Variants in IRAG2 observed in about 807,000 individuals in gnomAD.
IRAG2 encodes lymphoid restricted membrane protein.
Under a neutral mutation model 69.9 loss-of-function variants are expected in IRAG2, and 45 were observed. The ratio of observed to expected loss-of-function variants is 0.64; its 90% CI spans 0.51 to 0.83. The LOEUF is 0.83. Among genes scored for constraint, IRAG2 ranks in the 40% least tolerant of loss-of-function variants. The pLI is 0.00. For missense variants in IRAG2, 520 were observed against 587.0 expected (o/e 0.89, Z 1.18); for synonymous variants, 193 against 202.4 (o/e 0.95, Z 0.40).
In IRAG2 at chr12:25,024,834, T is replaced by G. The variant is rs905045004; in HGVS notation, c.1383+913T>G. ...CTACTAATGTAAGATATTTTTCTCC[T>G]CTTATTTAGATGAGTGACACGTATC... On this transcript the variant is annotated intron_variant, in intron 8 of 38. Transcript: ENST00000636465. Among the ~76,000 whole-genome samples the G allele has an allele frequency of 4.6e-5, 7 of 152,222 alleles. No homozygotes were observed. The East Asian group carries it at 1.3e-3, about 29-fold the overall frequency.
At chr12:25,083,740 A>G (rs1009574510) in intron 10 of IRAG2, among the ~76,000 whole-genome samples, 1 of 152,222 alleles carries the variant, frequency 6.6e-6, no homozygotes, top group African/African-American at 2.4e-5. Context: ...TTGTTCATTC[A>G]TTCATTTGCT....
chr12:25,080,214 T>C (rs1181442882), intron 9 of IRAG2, among the ~76,000 whole-genome samples: 1 of 151,700 alleles, frequency 6.6e-6, no homozygotes, highest in East Asian at 1.9e-4. Context: ...GGTCCTTTTC[T>C]GCTACTTGAC....
At chr12:25,101,454 C>A in intron 16 of IRAG2, 129 bp downstream of exon 16, 1 of 638,386 alleles carries the variant, frequency 1.6e-6, no homozygotes, top group Non-Finnish European at 2.4e-6. Flanking sequence ...ATAATTCATT[C>A]CTGTTATTTA....
At chr12:25,020,716 C>A in intron 6 of IRAG2, 2 of 648,280 alleles carry the variant, frequency 3.1e-6, no homozygotes, top group Non-Finnish European at 4.4e-6. Flanking sequence ...CCAAAATAGT[C>A]CTTGGCTGTT....
chr12:25,052,608 CT>C, upstream of IRAG2: 1 of 397,356 alleles, frequency 2.5e-6, no homozygotes, highest in Non-Finnish European at 4.4e-6. Context: ...ACTTTAACCG[CT>C]GTAGAAATAG....
intron 20 of IRAG2, among the ~76,000 whole-genome samples, chr12:25,105,539 T>A (rs1051183888): frequency 6.6e-6 from 1 of 152,202 alleles, no homozygotes; most frequent in Non-Finnish European, 1.5e-5. Context: ...TCAAATAATC[T>A]GTTTTGGTTT....
At chr12:25,065,243 C>T (rs565586073) in intron 4 of IRAG2, among the ~76,000 whole-genome samples, 45 of 152,290 alleles carry the variant, frequency 3.0e-4, no homozygotes, top group African/African-American at 8.7e-4. Flanking sequence ...AACAGAGGAA[C>T]ATTGAGTTAA....
chr12:25,012,143 CCTTTTT>C (rs1179968079), intron 3 of IRAG2, among the ~76,000 whole-genome samples: 15 of 24,102 alleles, frequency 6.2e-4, no homozygotes, highest in Middle Eastern at 0.033. Flanking sequence ...AAGCGAATTC[CCTTTTT>C]TTTTTTTTTT....
chr12:25,084,254 G>T (rs1474379448), intron 10 of IRAG2, among the ~76,000 whole-genome samples: 2 of 152,072 alleles, frequency 1.3e-5, no homozygotes, highest in African/African-American at 4.8e-5. Context: ...GCCGGGTATG[G>T]TGGTGCTTGA....
At chr12:25,068,863 G>A (rs906619469) in intron 5 of IRAG2, among the ~76,000 whole-genome samples, 1 of 152,076 alleles carries the variant, frequency 6.6e-6, no homozygotes, top group Non-Finnish European at 1.5e-5. Context: ...CAATATCAAC[G>A]ACATCCTCCT....
chr12:25,037,788 C>A (rs755121665), intron 15 of IRAG2, among the ~76,000 whole-genome samples: 2 of 152,064 alleles, frequency 1.3e-5, no homozygotes, highest in Non-Finnish European at 2.9e-5. Context: ...ATAGGATAGT[C>A]AATCTCTGGG....
chr12:25,032,741 C>T (rs1449579632), intron 12 of IRAG2, among the ~76,000 whole-genome samples: 1 of 152,152 alleles, frequency 6.6e-6, no homozygotes, highest in Non-Finnish European at 1.5e-5. Flanking sequence ...AGTTAGCTAA[C>T]TCTTTGGCTT....
intron 8 of IRAG2, chr12:25,024,068 GA>G (rs1387138507): frequency 3.0e-5 from 12 of 403,992 alleles, no homozygotes; most frequent in Non-Finnish European, 5.2e-5. Context: ...AAGTGAGGAG[GA>G]ATGGATGGGA....
At chr12:25,024,880 T>C (rs1010276651) in intron 8 of IRAG2, among the ~76,000 whole-genome samples, 4 of 152,220 alleles carry the variant, frequency 2.6e-5, no homozygotes, top group Non-Finnish European at 4.4e-5. Flanking sequence ...ACCAAACCAG[T>C]TCAGAATTGA....
chr12:25,034,440 A>G (rs1331577361), intron 13 of IRAG2, among the ~76,000 whole-genome samples: 2 of 152,230 alleles, frequency 1.3e-5, no homozygotes, highest in African/African-American at 4.8e-5. Context: ...GCATTTTCTT[A>G]CATGTGTTTT....
intron 6 of IRAG2, among the ~76,000 whole-genome samples, chr12:25,018,820 C>G (rs1944553377): frequency 6.6e-6 from 1 of 152,218 alleles, no homozygotes; most frequent in Non-Finnish European, 1.5e-5. Context: ...GATGGGCAAT[C>G]AGAATGCCAC....
chr12:25,044,506 A>G (rs1373959105), intron 16 of IRAG2, among the ~76,000 whole-genome samples: 1 of 152,156 alleles, frequency 6.6e-6, no homozygotes, highest in Non-Finnish European at 1.5e-5. Flanking sequence ...AAAAGCCCAG[A>G]TTCAACTATA....
chr12:25,050,255 G>A (rs1591938952), upstream of IRAG2, among the ~76,000 whole-genome samples: 1 of 151,876 alleles, frequency 6.6e-6, no homozygotes, highest in African/African-American at 2.4e-5. Context: ...GGAGGGCCGG[G>A]TGCGGTGGCT....
intron 1 of IRAG2, among the ~76,000 whole-genome samples, chr12:25,054,505 A>C (rs1285823959): frequency 6.6e-6 from 1 of 152,152 alleles, no homozygotes; most frequent in African/African-American, 2.4e-5. Flanking sequence ...ACTTACCCCA[A>C]AGTGCACGTT....
Sources: gnomAD v4.1 joint callset for allele counts (sites outside exome capture counted in the v4.1 genomes callset) on GRCh38, gnomAD v4.1.1 for gene constraint, MANE v1.5 for transcripts, NCBI Gene and HGNC (gene_info 2026-07-23, HGNC 2026-07-21) for gene names.